SLC44A3: variants seen among roughly 807,000 people sequenced by gnomAD.
The protein encoded by SLC44A3 is choline transporter-like protein 3.
A neutral mutation model predicts 75.4 loss-of-function variants in SLC44A3; 74 were observed. The observed-to-expected ratio is 0.98, with a 90% CI of 0.81 to 1.19. The LOEUF (loss-of-function observed/expected upper bound fraction) is 1.19. SLC44A3 is among the 50% of genes most tolerant of loss of function. The pLI is 0.00. For synonymous variants in SLC44A3, 310 were observed against 296.9 expected (o/e 1.04, Z -0.45); for missense variants, 700 against 778.6 (o/e 0.90, Z 1.20).
intron 14 of SLC44A3, among the ~76,000 whole-genome samples, chr1:94,894,213 A>T (rs1670524626): frequency 6.6e-6 from 1 of 152,186 alleles, no homozygotes; most frequent in South Asian, 2.1e-4. Context: ...GAACTTGTAA[A>T]TGGCTATCAT....
Position 94,892,582 on chromosome 1 carries a change from T to C in SLC44A3, c.1857+65T>C, listed in dbSNP as rs7520766. The C allele has an allele frequency of 2.7e-6, 4 of 1,487,866 alleles. No homozygotes were observed. The South Asian group carries it at 3.5e-5, about 13-fold the overall frequency. The allele number at this position is 1,487,866 out of a possible 1,614,324, so 92.2% of individuals were successfully genotyped here. ...CGCAATCTTGAAAGTTTTGTAAAGC[T>C]GCACACACGAAAGAGGCTCATACCC... On this transcript the variant is annotated intron_variant, in intron 14 of 14. Coordinates refer to ENST00000271227, the MANE Select transcript of SLC44A3 (RefSeq NM_001114106.3).
intron 8 of SLC44A3, among the ~76,000 whole-genome samples, chr1:94,842,589 C>T (rs1444672625): frequency 6.8e-6 from 1 of 147,344 alleles, no homozygotes; most frequent in African/African-American, 2.4e-5. Flanking sequence ...AGTGAACTCT[C>T]TAGCTGAAAA....
chr1:94,879,930 G>A (rs531306057), intron 12 of SLC44A3, among the ~76,000 whole-genome samples: 144 of 151,896 alleles, frequency 9.5e-4, no homozygotes, highest in Admixed American at 1.9e-3. Flanking sequence ...AAAGACACTC[G>A]ATATCACTAA....
chr1:94,892,294 G>A lies in SLC44A3; in HGVS notation c.1634G>A (p.Cys545Tyr). 1 of 1,614,108 alleles carries A rather than the reference G, an allele frequency of 6.2e-7. No homozygotes were observed. The highest frequency in any genetic ancestry group is 1.1e-5 in the South Asian group (1 of 91,058). The change falls in exon 14 of 15, where the codon TGT becomes TAT. Residue 545 changes from cysteine (C) to tyrosine (Y), a missense_variant. By Grantham distance (194) the Cys-to-Tyr change is radical (BLOSUM62 -2). Coordinates refer to ENST00000271227, the MANE Select transcript of SLC44A3 (RefSeq NM_001114106.3). ...IIFLGKVLVVCFTVFGGLMAF... is the reference protein window; with the variant it reads ...IIFLGKVLVVYFTVFGGLMAF... The stretch of plus-strand genomic sequence containing the variant: ...TCTTTTGCACAGGTGTTAGTGGTGT[G>A]TTTCACTGTTTTTGGAGGACTCATG...
rs180870210 is a variant in SLC44A3 at position 94,841,406 on chromosome 1, A to G, written c.761-594A>G. Among the ~76,000 whole-genome samples, 7 of 152,248 alleles carry G rather than the reference A, an allele frequency of 4.6e-5. No individual in the cohort carries two copies. In the South Asian group the frequency reaches 6.2e-4, roughly 14 times the overall value. On this transcript the variant is annotated intron_variant, in intron 7 of 14. Coordinates refer to ENST00000271227, the MANE Select transcript of SLC44A3 (RefSeq NM_001114106.3). ...AGCCCTGTGTCGGAGGACAGGCACAATGACTTCTGAGGGTTGTTTCTTCCT... is the reference window on the plus strand; with the variant it reads ...AGCCCTGTGTCGGAGGACAGGCACAGTGACTTCTGAGGGTTGTTTCTTCCT...
At chr1:94,828,209 A>G (rs1325757865) in intron 4 of SLC44A3, among the ~76,000 whole-genome samples, 1 of 152,228 alleles carries the variant, frequency 6.6e-6, no homozygotes, top group African/African-American at 2.4e-5. Flanking sequence ...TTGCAAAGCC[A>G]GGTTTAAACT....
chr1:94,887,340 C>T (rs1669691263), intron 12 of SLC44A3, among the ~76,000 whole-genome samples: 1 of 146,918 alleles, frequency 6.8e-6, no homozygotes, highest in Non-Finnish European at 1.5e-5. Flanking sequence ...CCCTCCTCCC[C>T]CTATTCATTC....
Position 94,891,222 on chromosome 1 carries a change from T to G in SLC44A3, c.1575T>G (p.Phe525Leu). ...TCTTGTCCAAGAACTCAAGTCACTT[T>G]ACATCTATTAACTGCTTTGGAGACT... Reference protein sequence around the residue: ...FKILSKNSSHFTSINCFGDFI... With the variant: ...FKILSKNSSHLTSINCFGDFI... The change falls in exon 13 of 15, where the codon TTT (phenylalanine) becomes TTG (leucine). Residue 525 changes from phenylalanine (F) to leucine (L), a missense_variant. Phe to Leu is a conservative substitution (Grantham distance 22). Transcript: ENST00000271227. 6.2e-7 allele frequency: 1 copy of G among 1,613,658 alleles called. No homozygotes were observed. The highest frequency in any genetic ancestry group is 8.5e-7 in the Non-Finnish European group (1 of 1,179,770).
rs1003786167 is a variant in SLC44A3 at position 94,828,394 on chromosome 1, T to A, written c.416-99T>A. On this transcript the variant is annotated intron_variant, in intron 4 of 14. Coordinates refer to ENST00000271227, the MANE Select transcript of SLC44A3 (RefSeq NM_001114106.3). ...GTGTTTCTGTCACCCATAGACCTTG[T>A]AGTTGATTCTTTCTCCTTTCTGGTT... 3 of 922,140 alleles carry A rather than the reference T, an allele frequency of 3.3e-6. No homozygotes were observed. The African/African-American group carries it at 5.0e-5, about 15-fold the overall frequency. The allele number at this position is 922,140 out of a possible 1,614,324, so 57.1% of individuals were successfully genotyped here. A position where few individuals can be genotyped will look rare whatever the true frequency, so the allele number is the denominator to read the frequency against.
rs779815376 is a variant in SLC44A3 at position 94,837,669 on chromosome 1, G to T, written c.510-42G>T. On this transcript the variant is annotated intron_variant, in intron 5 of 14. Transcript: ENST00000271227. ...AAATAAACATCTTTTAAAGATAAATGTTAAATAAACATTTTTGCCATCTTT... is the reference window on the plus strand; with the variant it reads ...AAATAAACATCTTTTAAAGATAAATTTTAAATAAACATTTTTGCCATCTTT... The T allele has an allele frequency of 2.6e-6, 4 of 1,525,874 alleles. No individual in the cohort carries two copies. The South Asian group carries it at 5.2e-5, about 20-fold the overall frequency. The allele number at this position is 1,525,874 out of a possible 1,614,324, so 94.5% of individuals were successfully genotyped here. A position where few individuals can be genotyped will look rare whatever the true frequency, so the allele number is the denominator to read the frequency against.
At chr1:94,840,918 G>A (rs1663541299) in intron 7 of SLC44A3, among the ~76,000 whole-genome samples, 1 of 152,224 alleles carries the variant, frequency 6.6e-6, no homozygotes, top group Non-Finnish European at 1.5e-5. Context: ...GCACGCAGGA[G>A]GCTCAAGGCA....
intron 12 of SLC44A3, among the ~76,000 whole-genome samples, chr1:94,890,868 T>C (rs988773185): frequency 2.0e-5 from 3 of 152,196 alleles, no homozygotes; most frequent in African/African-American, 7.2e-5. Flanking sequence ...AAAACCCTTA[T>C]GCTTTACCCA....
At position 94,857,512 on chromosome 1, in the gene SLC44A3, G is replaced by GTT. The variant is rs747918461; in HGVS notation, c.1238+19_1238+20dup. On this transcript the variant is annotated intron_variant, in intron 10 of 14. Transcript: ENST00000271227. ...TGTTATTTCAACAGGTAGGTCCAGT[G>GTT]TTTTTTTTCTATTGGTTTGTCTATG... is the stretch of plus-strand genomic sequence containing the variant. 1.3e-6 allele frequency: 2 copies of GTT among 1,599,402 alleles called. No homozygotes were observed. Among genetic ancestry groups the GTT allele is most frequent in the Admixed American group, 3.5e-5 (2 of 57,146 alleles).
intron 5 of SLC44A3, among the ~76,000 whole-genome samples, chr1:94,833,770 T>A (rs562544459): frequency 5.1e-4 from 77 of 152,134 alleles, no homozygotes; most frequent in African/African-American, 1.6e-3. Context: ...AAAAAAAAAA[T>A]TTCAACTCTT....
chr1:94,840,146 GTATC>G, intron 7 of SLC44A3, 109 bp downstream of exon 7: 1 of 896,936 alleles, frequency 1.1e-6, no homozygotes, highest in Non-Finnish European at 1.8e-6. Flanking sequence ...GTCTTAAAGA[GTATC>G]TAGCCCTGTC....
intron 12 of SLC44A3, among the ~76,000 whole-genome samples, chr1:94,879,227 C>A (rs1250674731): frequency 6.6e-5 from 9 of 136,364 alleles, no homozygotes; most frequent in African/African-American, 1.8e-4. Context: ...AAAAAAAAAA[C>A]CCGATTTTAA....
chr1:94,833,621 A>G (rs575385872), intron 5 of SLC44A3, among the ~76,000 whole-genome samples: 74 of 152,142 alleles, frequency 4.9e-4, no homozygotes, highest in Non-Finnish European at 8.8e-4. Context: ...CTCTGCTGTT[A>G]AAGCCGCTCA....
intron 3 of SLC44A3, 137 bp downstream of exon 3, chr1:94,824,772 T>C (rs1233124393): frequency 1.2e-5 from 12 of 1,020,502 alleles, no homozygotes; most frequent in Non-Finnish European, 1.6e-5. Context: ...GCTGTGTATA[T>C]AGTACAGGTA....
chr1:94,875,447 T>A (rs1668173033), intron 12 of SLC44A3, among the ~76,000 whole-genome samples: 1 of 152,168 alleles, frequency 6.6e-6, no homozygotes, highest in African/African-American at 2.4e-5. Context: ...CTCACCCAGG[T>A]TACATGGTGG....
Sources: allele counts gnomAD v4.1 joint callset (sites outside exome capture counted in the v4.1 genomes callset), GRCh38; gene constraint gnomAD v4.1.1; transcripts MANE v1.5; gene names NCBI Gene and HGNC (gene_info 2026-07-23, HGNC 2026-07-21).